COX10: variants seen among roughly 807,000 people sequenced by gnomAD.
COX10 encodes protoheme IX farnesyltransferase, mitochondrial.
COX10 carries 27 observed loss-of-function variants against 37.3 expected under a neutral mutation model. The observed-to-expected ratio is 0.72, with a 90% CI of 0.53 to 1.00. The LOEUF is 1.00. Among genes scored for constraint, COX10 ranks in the 50% least tolerant of loss-of-function variants. The pLI is 0.00. For synonymous variants in COX10, 222 were observed against 229.1 expected (o/e 0.97, Z 0.28); for missense variants, 475 against 563.2 (o/e 0.84, Z 1.59).
intron 5 of COX10, among the ~76,000 whole-genome samples, chr17:14,185,952 G>C (rs573067311): frequency 6.6e-6 from 1 of 151,888 alleles, no homozygotes; most frequent in African/African-American, 2.4e-5. Flanking sequence ...AGGAGGGCCC[G>C]CTCTCTGCTT....
At chr17:14,127,559 G>A (rs1916370592) in intron 4 of COX10, among the ~76,000 whole-genome samples, 1 of 152,144 alleles carries the variant, frequency 6.6e-6, no homozygotes, top group Non-Finnish European at 1.5e-5. Flanking sequence ...TTCAAGTGCA[G>A]TTAATGCATT....
chr17:14,200,242 A>G (rs2142268535), intron 6 of COX10, among the ~76,000 whole-genome samples: 1 of 152,288 alleles, frequency 6.6e-6, no homozygotes, highest in South Asian at 2.1e-4. Flanking sequence ...ATTTAGCTGG[A>G]ATTGCCTTAG....
At chr17:14,101,078 A>G (rs1223686983) in intron 3 of COX10, among the ~76,000 whole-genome samples, 1 of 152,186 alleles carries the variant, frequency 6.6e-6, no homozygotes, top group Non-Finnish European at 1.5e-5. Context: ...AAATGCTGGC[A>G]GTGTGATGGG....
intron 4 of COX10, among the ~76,000 whole-genome samples, chr17:14,143,141 A>G (rs373105224): frequency 1.3e-5 from 2 of 152,114 alleles, no homozygotes; most frequent in South Asian, 2.1e-4. Flanking sequence ...CAAATTAACA[A>G]CTGTCTTATA....
chr17:14,195,920 G>A (rs1435487260), intron 6 of COX10, among the ~76,000 whole-genome samples: 1 of 152,088 alleles, frequency 6.6e-6, no homozygotes, highest in African/African-American at 2.4e-5. Flanking sequence ...TGGAGATTAG[G>A]ACATAGGCAG....
At chr17:14,144,200 T>G (rs1904640556) in intron 4 of COX10, among the ~76,000 whole-genome samples, 1 of 152,200 alleles carries the variant, frequency 6.6e-6, no homozygotes, top group African/African-American at 2.4e-5. Flanking sequence ...TTGATTAGTA[T>G]GTGGTATAAC....
At position 14,183,069 on chromosome 17, in the gene COX10, G is replaced by T. The variant is rs966983422; in HGVS notation, c.696-8920G>T. Among the ~76,000 whole-genome samples the T allele has an allele frequency of 2.7e-5, 4 of 149,548 alleles. No individual in the cohort carries two copies. The Admixed American group carries it at 2.7e-4, about 10-fold the overall frequency. ...GGAGAAAAAAATAATTCATAGAAAT[G>T]TGTGGACCAATTTTTCCCCACTCTC... is the stretch of plus-strand genomic sequence containing the variant. On this transcript the variant is annotated intron_variant, in intron 5 of 6. Coordinates refer to ENST00000261643, the MANE Select transcript of COX10 (RefSeq NM_001303.4).
chr17:14,089,863 C>T (rs867881118), intron 3 of COX10, among the ~76,000 whole-genome samples: 7 of 152,120 alleles, frequency 4.6e-5, no homozygotes, highest in Admixed American at 3.3e-4. Flanking sequence ...TTGAGACACA[C>T]TCTTCTAATC....
intron 4 of COX10, among the ~76,000 whole-genome samples, chr17:14,110,353 C>T (rs1014674075): frequency 6.6e-6 from 1 of 152,006 alleles, no homozygotes; most frequent in African/African-American, 2.4e-5. Context: ...TTCTGCTATT[C>T]GGTAAGCATT....
intron 6 of COX10, among the ~76,000 whole-genome samples, chr17:14,205,480 C>T (rs1567614785): frequency 6.6e-6 from 1 of 152,228 alleles, no homozygotes; most frequent in East Asian, 1.9e-4. Flanking sequence ...ACCTCCTTGA[C>T]TGAAGGGTCT....
chr17:14,177,314 G>T, intron 5 of COX10: 1 of 667,692 alleles, frequency 1.5e-6, no homozygotes, highest in South Asian at 1.6e-5. Context: ...AGACACAAAA[G>T]GAAAAAAAAG....
chr17:14,108,871 A>T (rs989886954), intron 4 of COX10, among the ~76,000 whole-genome samples: 2 of 152,158 alleles, frequency 1.3e-5, no homozygotes, highest in African/African-American at 4.8e-5. Context: ...TTGACTATAC[A>T]GTCTGCCTAG....
intron 3 of COX10, among the ~76,000 whole-genome samples, chr17:14,095,395 G>GC (rs1260731708): frequency 1.3e-5 from 2 of 152,074 alleles, no homozygotes; most frequent in African/African-American, 2.4e-5. Context: ...TCCTACCCAG[G>GC]CCCTCATCGC....
intron 4 of COX10, among the ~76,000 whole-genome samples, chr17:14,143,759 T>C (rs771883520): frequency 1.3e-5 from 2 of 152,202 alleles, no homozygotes; most frequent in Admixed American, 6.6e-5. Context: ...AGGTGTACTC[T>C]GTGTTCTCTG....
intron 3 of COX10, among the ~76,000 whole-genome samples, chr17:14,084,775 C>T (rs535780848): frequency 6.6e-6 from 1 of 152,222 alleles, no homozygotes. Context: ...ATTCTCTTGC[C>T]TCAGCCTTCT....
At chr17:14,089,787 A>G (rs988136672) in intron 3 of COX10, among the ~76,000 whole-genome samples, 8 of 151,988 alleles carry the variant, frequency 5.3e-5, no homozygotes, top group African/African-American at 1.9e-4. Context: ...ACCTCCATAA[A>G]TTCCTTCACT....
At chr17:14,095,494 C>G (rs934628830) in intron 3 of COX10, among the ~76,000 whole-genome samples, 67 of 152,220 alleles carry the variant, frequency 4.4e-4, no homozygotes, top group African/African-American at 1.5e-3. Flanking sequence ...TGCTGGTAGA[C>G]TAGTCCTTTT....
chr17:14,190,296 T>C (rs1486262069), intron 5 of COX10, among the ~76,000 whole-genome samples: 3 of 152,008 alleles, frequency 2.0e-5, no homozygotes, highest in African/African-American at 7.3e-5. Context: ...GCAGAGACAG[T>C]AGGTTATTGA....
intron 6 of COX10, among the ~76,000 whole-genome samples, chr17:14,199,684 T>A (rs917620979): frequency 5.3e-5 from 8 of 152,212 alleles, no homozygotes; most frequent in African/African-American, 1.9e-4. Flanking sequence ...ATTTCCTATT[T>A]TCAGGGGACT....
Sources: allele counts gnomAD v4.1 joint callset (sites outside exome capture counted in the v4.1 genomes callset), GRCh38; gene constraint gnomAD v4.1.1; transcripts MANE v1.5; gene names NCBI Gene and HGNC (gene_info 2026-07-23, HGNC 2026-07-21).